Variants in TEX9 observed in about 807,000 individuals in gnomAD.
The protein encoded by TEX9 is testis-expressed protein 9.
Under a neutral mutation model 59.6 loss-of-function variants are expected in TEX9, and 74 were observed. That is an observed-to-expected ratio of 1.24 (90% CI 1.03 to 1.51). TEX9 has a LOEUF of 1.51. Ranked by LOEUF, TEX9 falls within the 40% of genes most tolerant of loss-of-function variation. The probability of loss-of-function intolerance (pLI) is 0.00; values close to 1 mark genes in which losing one functional copy is unlikely to be tolerated. For missense variants in TEX9, 522 were observed against 447.8 expected (o/e 1.17, Z -1.49); for synonymous variants, 186 against 152.2 (o/e 1.22, Z -1.64).
At chr15:56,351,752 G>C (rs1394493903) in intron 1 of TEX9, among the ~76,000 whole-genome samples, 1 of 152,162 alleles carries the variant, frequency 6.6e-6, no homozygotes, top group Admixed American at 6.5e-5. Context: ...TTTCAATATA[G>C]GCACAAAGAT....
intron 9 of TEX9, among the ~76,000 whole-genome samples, chr15:56,405,519 A>G (rs2049036231): frequency 6.6e-6 from 1 of 152,168 alleles, no homozygotes; most frequent in South Asian, 2.1e-4. Flanking sequence ...AGAGTTTAAT[A>G]CTTGAGACTT....
At chr15:56,430,021 C>T (rs927569384) in intron 12 of TEX9, 3 of 152,170 alleles carry the variant, frequency 2.0e-5, no homozygotes, top group Non-Finnish European at 4.4e-5. Flanking sequence ...ACCAATTAGA[C>T]TATCAAGTCC....
chr15:56,254,791 ATACT>A (rs1199675347), intron 1 of TEX9, among the ~76,000 whole-genome samples: 1 of 150,724 alleles, frequency 6.6e-6, no homozygotes, highest in Non-Finnish European at 1.5e-5. Context: ...TATAAAATAT[ATACT>A]TATAAATATC....
chr15:56,250,897 C>G (rs762633115), intron 1 of TEX9, among the ~76,000 whole-genome samples: 1 of 152,188 alleles, frequency 6.6e-6, no homozygotes, highest in Non-Finnish European at 1.5e-5. Context: ...AAAATACGTA[C>G]CTTTACAGCA....
chr15:56,374,312 A>C (rs1567106373), intron 3 of TEX9: 1 of 152,128 alleles, frequency 6.6e-6, no homozygotes, highest in Non-Finnish European at 1.5e-5. Context: ...TAAGCTAGGA[A>C]AGGGGTTGGG....
At chr15:56,340,650 C>G (rs115044283) in intron 1 of TEX9, among the ~76,000 whole-genome samples, 1,522 of 152,166 alleles carry the variant, frequency 0.01, 29 homozygotes, top group African/African-American at 0.035. Context: ...TCCCTTGATT[C>G]TACATCCTCA....
chr15:56,355,791 A>C (rs764707331), intron 1 of TEX9, among the ~76,000 whole-genome samples: 4 of 152,018 alleles, frequency 2.6e-5, no homozygotes, highest in Admixed American at 1.3e-4. Flanking sequence ...TATTTTGTAC[A>C]TGTTTTGGTA....
chr15:56,245,454 T>C (rs73411525), intron 1 of TEX9, among the ~76,000 whole-genome samples: 5,766 of 152,306 alleles, frequency 0.038, 368 homozygotes, highest in African/African-American at 0.13. Context: ...CTAAGGTCTC[T>C]ATTAGCTTAG....
intron 12 of TEX9, chr15:56,428,497 CT>C (rs1305714457): frequency 2.4e-6 from 3 of 1,237,500 alleles, no homozygotes; most frequent in Non-Finnish European, 3.5e-6. Context: ...ACCCATTTTA[CT>C]TATTGTAGTG....
chr15:56,335,293 A>C (rs1334323170), intron 1 of TEX9, among the ~76,000 whole-genome samples: 2 of 152,184 alleles, frequency 1.3e-5, no homozygotes, highest in African/African-American at 4.8e-5. Context: ...ATGTACATAT[A>C]CACAATGGAG....
At chr15:56,379,414 T>G (rs1218566603) in intron 3 of TEX9, among the ~76,000 whole-genome samples, 1 of 152,202 alleles carries the variant, frequency 6.6e-6, no homozygotes, top group African/African-American at 2.4e-5. Flanking sequence ...AGAAGATGCT[T>G]GATATTATTT....
At chr15:56,413,008 C>G (rs1383679941) in intron 10 of TEX9, among the ~76,000 whole-genome samples, 7 of 151,974 alleles carry the variant, frequency 4.6e-5, no homozygotes, top group African/African-American at 1.7e-4. Context: ...CTAGCCAATG[C>G]TTGGCATAGA....
intron 12 of TEX9, among the ~76,000 whole-genome samples, chr15:56,439,777 A>AAC (rs755190091): frequency 5.5e-4 from 83 of 150,702 alleles, no homozygotes; most frequent in African/African-American, 1.2e-3. Flanking sequence ...AAAAAAACAA[A>AAC]ACACACACAC....
chr15:56,365,233 C>G (rs753733790), upstream of TEX9, among the ~76,000 whole-genome samples: 35 of 152,116 alleles, frequency 2.3e-4, no homozygotes, highest in Non-Finnish European at 3.8e-4. Flanking sequence ...TTTGCACTAA[C>G]TAAGTCGAAT....
At chr15:56,365,315 C>T (rs977248079), upstream of TEX9, 5 of 1,237,200 alleles carry the variant, frequency 4.0e-6, no homozygotes, top group African/African-American at 6.1e-5. Context: ...AGCCCGCTGC[C>T]AGAGGCTCGC....
At chr15:56,299,995 A>T (rs1219405678) in intron 1 of TEX9, among the ~76,000 whole-genome samples, 1 of 152,078 alleles carries the variant, frequency 6.6e-6, no homozygotes, top group Non-Finnish European at 1.5e-5. Context: ...GAGAGAAAAG[A>T]GTAAAGGAGA....
At chr15:56,348,323 A>C (rs1404982314) in intron 1 of TEX9, among the ~76,000 whole-genome samples, 2 of 152,076 alleles carry the variant, frequency 1.3e-5, no homozygotes, top group African/African-American at 2.4e-5. Flanking sequence ...TGGAAATTGC[A>C]TCATAGGAAT....
chr15:56,269,582 G>A (rs1191552568), intron 1 of TEX9, among the ~76,000 whole-genome samples: 2 of 151,772 alleles, frequency 1.3e-5, no homozygotes, highest in African/African-American at 4.8e-5. Context: ...TTATTTGCCC[G>A]GTGGTCATTC....
intron 12 of TEX9, among the ~76,000 whole-genome samples, chr15:56,436,007 A>C (rs1210567333): frequency 6.6e-6 from 1 of 152,066 alleles, no homozygotes; most frequent in Non-Finnish European, 1.5e-5. Flanking sequence ...TCAATGTAAT[A>C]TACTTGGCTA....
Sources: gnomAD v4.1 joint callset for allele counts (sites outside exome capture counted in the v4.1 genomes callset) on GRCh38, gnomAD v4.1.1 for gene constraint, MANE v1.5 for transcripts, NCBI Gene and HGNC (gene_info 2026-07-23, HGNC 2026-07-21) for gene names.